Variants in AMELY observed in about 807,000 individuals in gnomAD.
AMELY encodes amelogenin Y-linked.
A neutral mutation model predicts 4.2 loss-of-function variants in AMELY; 4 were observed. The observed-to-expected ratio is 0.96, with a 90% CI of 0.47 to 2.19. AMELY has a LOEUF of 2.19. Among genes scored for constraint, AMELY ranks in the 30% most tolerant of loss-of-function variants. AMELY has a pLI of 0.02. For missense variants in AMELY, 32 were observed against 41.5 expected (o/e 0.77, Z 0.63); for synonymous variants, 11 against 14.7 (o/e 0.75, Z 0.57).
At chrY:6,890,953 A>G in intron 1 of AMELY, among the ~76,000 whole-genome samples, 1 of 33,349 alleles carries the variant, frequency 3.0e-5, no homozygotes, top group South Asian at 6.9e-4. Flanking sequence ...GACAATTTTC[A>G]CTGGTATCTC....
intron 1 of AMELY, among the ~76,000 whole-genome samples, chrY:6,901,888 T>C (rs2054089593): frequency 3.0e-5 from 1 of 32,996 alleles, no homozygotes; most frequent in African/African-American, 1.2e-4. Context: ...TGATTACTAG[T>C]GCCTTTCCCA....
chrY:6,885,408 G>C lies in AMELY; in HGVS notation c.-112-11337C>G, dbSNP rs746750453. Among the ~76,000 whole-genome samples the C allele has an allele frequency of 6.4e-4, 22 of 34,349 alleles. No individual in the cohort carries two copies. The East Asian group carries it at 0.016, about 26-fold the overall frequency. 92.2% of individuals were successfully genotyped at this position (34,349 alleles called of 37,273 possible). On this transcript the variant is annotated intron_variant, in intron 1 of 6. Transcript: ENST00000651267. ...GAGAATGGCATGAGCCCAGGAGGCA[G>C]AGCTTGCAGGGAGCCAAAATTGTGC...
At chrY:6,894,081 T>C in intron 1 of AMELY, among the ~76,000 whole-genome samples, 1 of 33,218 alleles carries the variant, frequency 3.0e-5, no homozygotes, top group African/African-American at 1.2e-4. Flanking sequence ...TTAACTGATC[T>C]AGGCAACCCT....
intron 1 of AMELY, among the ~76,000 whole-genome samples, chrY:6,885,454 G>C: frequency 2.9e-5 from 1 of 34,004 alleles, no homozygotes; most frequent in Non-Finnish European, 7.3e-5. Flanking sequence ...CAGCCTGGGC[G>C]ACAGAGCGAG....
At chrY:6,886,448 G>T (rs2054080226) in intron 1 of AMELY, among the ~76,000 whole-genome samples, 1 of 33,628 alleles carries the variant, frequency 3.0e-5, no homozygotes, top group Non-Finnish European at 7.4e-5. Context: ...TCTGGTTAGA[G>T]GAGCATTTGA....
chrY:6,893,299 C>T, intron 1 of AMELY, among the ~76,000 whole-genome samples: 1 of 32,725 alleles, frequency 3.1e-5, no homozygotes, highest in Non-Finnish European at 7.4e-5. Context: ...AAGGTGGATT[C>T]CAGCTTGGAT....
At chrY:6,881,123 G>T (rs2054074797) in intron 1 of AMELY, among the ~76,000 whole-genome samples, 1 of 32,542 alleles carries the variant, frequency 3.1e-5, no homozygotes, top group Admixed American at 2.9e-4. Context: ...TGTTGCTAAG[G>T]TGTTGATTTT....
Position 6,880,732 on chromosome Y carries a change from C to T in AMELY, c.-112-6661G>A, listed in dbSNP as rs529804951. 6.4e-3 allele frequency among the ~76,000 whole-genome samples: 210 copies of T among 32,948 alleles called. No individual in the cohort carries two copies. The South Asian group carries it at 0.14, about 22-fold the overall frequency. The allele number at this position is 32,948 out of a possible 37,273, so 88.4% of individuals were successfully genotyped here. On this transcript the variant is annotated intron_variant, in intron 1 of 6. Transcript: ENST00000651267. ...TTTGTTGTTGGTCTATACAGGGATT[C>T]GACTTCTTCCTGGTTTAGTCTTGGG...
intron 1 of AMELY, among the ~76,000 whole-genome samples, chrY:6,888,817 G>T: frequency 5.4e-5 from 1 of 18,597 alleles, no homozygotes; most frequent in Non-Finnish European, 1.1e-4. Context: ...GCAGTGAGCT[G>T]AGGTAGTGCC....
intron 3 of AMELY, 142 bp from the exon 4 acceptor site, chrY:6,870,195 G>C: frequency 5.6e-6 from 1 of 177,221 alleles, no homozygotes; most frequent in Middle Eastern, 1.4e-3. Flanking sequence ...AATCTATATA[G>C]TACAGAATAT....
chrY:6,910,638 C>T, intron 1 of AMELY: 3 of 53,101 alleles, frequency 5.6e-5, no homozygotes, highest in Non-Finnish European at 1.2e-4. Flanking sequence ...CAATCCCTTG[C>T]GCCGCCGTGC....
At chrY:6,905,472 TTCTTTCTTTCTTTC>T in intron 1 of AMELY, among the ~76,000 whole-genome samples, 1 of 31,724 alleles carries the variant, frequency 3.2e-5, no homozygotes. Flanking sequence ...CTTTCTTTCT[TTCTTTCTTTCTTTC>T]TCTTTCTTTC....
chrY:6,875,550 C>T, intron 1 of AMELY, among the ~76,000 whole-genome samples: 1 of 33,021 alleles, frequency 3.0e-5, no homozygotes, highest in Non-Finnish European at 7.5e-5. Flanking sequence ...TTAAAGTGAA[C>T]GTAGAATATA....
chrY:6,908,092 T>C, intron 1 of AMELY, among the ~76,000 whole-genome samples: 1 of 32,758 alleles, frequency 3.1e-5, no homozygotes, highest in Non-Finnish European at 7.5e-5. Flanking sequence ...TCCACCCACC[T>C]GGGCCTCCCA....
chrY:6,882,158 T>C (rs2054075359), intron 1 of AMELY, among the ~76,000 whole-genome samples: 1 of 33,064 alleles, frequency 3.0e-5, no homozygotes, highest in Non-Finnish European at 7.5e-5. Flanking sequence ...AAGAACAATG[T>C]TGGAGGCATC....
chrY:6,868,058 G>A lies in AMELY; in HGVS notation c.552C>T (p.Asp184=). ...TCACCACTTCCTCCTGCTTGGTCTTGTCTGTTGCTGGCCAAGCTTCCAGAT... is the reference window on the plus strand; with the variant it reads ...TCACCACTTCCTCCTGCTTGGTCTTATCTGTTGCTGGCCAAGCTTCCAGAT... ...DLHLEAWPAT[D]KTKQEEVD is the part of the protein sequence containing the mutation. The change falls in exon 6 of 7, where the codon GAC becomes GAT. Residue 184 remains aspartate (D), a synonymous_variant. Coordinates refer to ENST00000651267, the MANE Select transcript of AMELY (RefSeq NM_001143.2). The A allele has an allele frequency of 5.1e-6, 2 of 393,016 alleles. No homozygotes were observed. Among genetic ancestry groups the A allele is most frequent in the Non-Finnish European group, 7.1e-6 (2 of 280,766 alleles).
intron 1 of AMELY, among the ~76,000 whole-genome samples, chrY:6,885,945 G>A (rs2054079828): frequency 2.9e-5 from 1 of 34,338 alleles, no homozygotes; most frequent in East Asian, 7.7e-4. Flanking sequence ...CTGGGTGGTG[G>A]AATCATTTGT....
At chrY:6,880,138 C>A (rs2054074214) in intron 1 of AMELY, among the ~76,000 whole-genome samples, 3 of 32,802 alleles carry the variant, frequency 9.1e-5, no homozygotes, top group African/African-American at 3.6e-4. Context: ...GGCAGTATGG[C>A]CATTTTCACA....
At chrY:6,899,389 A>C (rs959072949) in intron 1 of AMELY, among the ~76,000 whole-genome samples, 39 of 32,983 alleles carry the variant, frequency 1.2e-3, no homozygotes, top group African/African-American at 4.6e-3. Context: ...CCGTGTGGCC[A>C]CTGCCGCAGC....
Sources: allele counts gnomAD v4.1 joint callset (sites outside exome capture counted in the v4.1 genomes callset), GRCh38; gene constraint gnomAD v4.1.1; transcripts MANE v1.5; gene names NCBI Gene and HGNC (gene_info 2026-07-23, HGNC 2026-07-21).